Variants in SLC9B1 observed in about 807,000 individuals in gnomAD.
SLC9B1 encodes the protein solute carrier family 9 member B1, also known as sodium/hydrogen exchanger 9B1.
In SLC9B1, 32 loss-of-function variants were observed where a neutral mutation model predicts 51.7. The observed-to-expected ratio is 0.62, with a 90% CI of 0.47 to 0.83. SLC9B1 has a LOEUF of 0.83. SLC9B1 is among the 40% of genes least tolerant of loss of function. SLC9B1 has a pLI of 0.00. For synonymous variants in SLC9B1, 145 were observed against 212.7 expected, an observed-to-expected ratio of 0.68 and a Z score of 2.77; for missense variants, 406 against 613.2, an observed-to-expected ratio of 0.66 and a Z score of 3.57.
Position 102,927,195 on chromosome 4 carries a change from G to GTCT in SLC9B1, c.829+4926_829+4928dup, listed in dbSNP as rs557273904. ...CATTCAGGCCATAGGCATGGGCGAGGTCTTCATGACTAAAACACCAATAGT... is the reference window on the plus strand; with the variant it reads ...CATTCAGGCCATAGGCATGGGCGAGGTCTTCTTCATGACTAAAACACCAATAGT... On this transcript the variant is annotated intron_variant, in intron 7 of 11. Transcript: ENST00000296422. Among the ~76,000 whole-genome samples the GTCT allele has an allele frequency of 3.4e-3, 512 of 152,262 alleles. 3 individuals are homozygous for GTCT. The highest frequency in any genetic ancestry group is 5.5e-3 in the Non-Finnish European group (373 of 68,018).
At chr4:102,981,698 G>C (rs535627745) in intron 3 of SLC9B1, among the ~76,000 whole-genome samples, 4 of 151,978 alleles carry the variant, frequency 2.6e-5, no homozygotes, top group Admixed American at 6.6e-5. Flanking sequence ...TTTTTAATCT[G>C]GTTGTTTGTT....
intron 11 of SLC9B1, chr4:102,889,954 G>C (rs1463831067): frequency 6.6e-6 from 1 of 150,638 alleles, no homozygotes; most frequent in Non-Finnish European, 1.5e-5. Context: ...TCGGTTTCTA[G>C]AGCCTTCAAA....
At chr4:102,956,249 T>C (rs1737806702) in intron 3 of SLC9B1, among the ~76,000 whole-genome samples, 1 of 151,700 alleles carries the variant, frequency 6.6e-6, no homozygotes, top group Non-Finnish European at 1.5e-5. Flanking sequence ...CACACACAAC[T>C]TTTTCCCTTT....
chr4:103,010,877 C>CA, intron 1 of SLC9B1, among the ~76,000 whole-genome samples: 2 of 152,182 alleles, frequency 1.3e-5, no homozygotes, highest in Non-Finnish European at 2.9e-5. Context: ...TGGAGGGACA[C>CA]AAACATTCAA....
intron 7 of SLC9B1, among the ~76,000 whole-genome samples, chr4:102,917,535 T>C (rs1735644246): frequency 6.6e-6 from 1 of 151,790 alleles, no homozygotes; most frequent in African/African-American, 2.4e-5. Context: ...GATTAATACA[T>C]AGTCAAAGAA....
intron 11 of SLC9B1, chr4:102,889,088 T>C (rs987017014): frequency 1.3e-4 from 20 of 152,224 alleles, no homozygotes; most frequent in African/African-American, 4.6e-4. Context: ...GTAATGTCAG[T>C]AGGTTCAATT....
intron 2 of SLC9B1, among the ~76,000 whole-genome samples, chr4:102,990,638 A>C (rs1249186407): frequency 8.1e-6 from 1 of 123,730 alleles, no homozygotes; most frequent in South Asian, 2.8e-4. Context: ...AAATCTCCAA[A>C]TTTGCCTTAT....
intron 7 of SLC9B1, among the ~76,000 whole-genome samples, chr4:102,925,790 CA>C (rs1317331125): frequency 6.6e-6 from 1 of 151,496 alleles, no homozygotes; most frequent in African/African-American, 2.4e-5. Context: ...AGAGACACAA[CA>C]AAAAAAGAGA....
At chr4:102,975,586 A>ATTTTTTTTTTTTTTTTTTTTTT (rs1197166005) in intron 3 of SLC9B1, among the ~76,000 whole-genome samples, 2 of 62,304 alleles carry the variant, frequency 3.2e-5, no homozygotes, top group African/African-American at 7.5e-5. Context: ...ATATATATAT[A>ATTTTTTTTTTTTTTTTTTTTTT]TTTTTTTTTT....
chr4:102,990,144 C>A (rs997993131), intron 2 of SLC9B1, among the ~76,000 whole-genome samples: 2 of 151,934 alleles, frequency 1.3e-5, no homozygotes, highest in Non-Finnish European at 2.9e-5. Context: ...CTTGATTGAA[C>A]CTTTTATAGA....
At chr4:103,001,035 G>A (rs1740498523) in intron 1 of SLC9B1, among the ~76,000 whole-genome samples, 1 of 152,216 alleles carries the variant, frequency 6.6e-6, no homozygotes, top group South Asian at 2.1e-4. Flanking sequence ...TCTAGGTGGA[G>A]GTTTGCAAAG....
In SLC9B1 at chr4:102,949,285, A is replaced by C. The variant is rs746674303; in HGVS notation, c.354T>G (p.Pro118=). Residue 118 remains proline, a synonymous_variant, in exon 4 of 12, where the codon CCT becomes CCG. Transcript: ENST00000296422. ...GAAGAGGTGGAAGTGGAGGCACTAA[A>C]GGTATTCTAATGAGTTGTAAAATTT... ...GGKILQLIRI[P]LVPPLPPLLG... 11 of 1,604,774 alleles carry C rather than the reference A, an allele frequency of 6.9e-6. No homozygotes were observed. In the African/African-American group the frequency reaches 1.5e-4, roughly 22 times the overall value.
intron 6 of SLC9B1, among the ~76,000 whole-genome samples, chr4:102,939,694 A>G (rs1346089591): frequency 6.6e-6 from 1 of 152,264 alleles, no homozygotes; most frequent in African/African-American, 2.4e-5. Context: ...CATATCAAAA[A>G]GCTAGTCCAC....
chr4:103,010,999 T>G (rs985066550), intron 1 of SLC9B1, among the ~76,000 whole-genome samples: 15 of 152,274 alleles, frequency 9.9e-5, no homozygotes, highest in African/African-American at 3.6e-4. Context: ...CGATACCAAC[T>G]CAAAAGTCCA....
intron 3 of SLC9B1, among the ~76,000 whole-genome samples, chr4:102,971,258 T>C (rs1323085971): frequency 6.6e-6 from 1 of 151,984 alleles, no homozygotes; most frequent in Non-Finnish European, 1.5e-5. Flanking sequence ...CCTCAGCAAA[T>C]GTAAAAGAAC....
intron 6 of SLC9B1, among the ~76,000 whole-genome samples, chr4:102,943,739 A>T (rs1437235984): frequency 6.6e-6 from 1 of 152,168 alleles, no homozygotes; most frequent in African/African-American, 2.4e-5. Context: ...TTGGGGACTT[A>T]GGGGGAAGAG....
At chr4:102,904,949 A>G (rs1013655170) in intron 11 of SLC9B1, among the ~76,000 whole-genome samples, 30 of 151,470 alleles carry the variant, frequency 2.0e-4, no homozygotes, top group Non-Finnish European at 3.2e-4. Flanking sequence ...ATGCCACTGC[A>G]CTCCAGCCTG....
intron 1 of SLC9B1, among the ~76,000 whole-genome samples, chr4:102,994,404 A>G (rs971533280): frequency 1.3e-5 from 2 of 152,088 alleles, no homozygotes; most frequent in African/African-American, 2.4e-5. Flanking sequence ...CTCAGCCTAC[A>G]CTTCATTGTC....
chr4:102,937,937 G>C (rs189891215), intron 6 of SLC9B1, among the ~76,000 whole-genome samples: 2 of 152,162 alleles, frequency 1.3e-5, no homozygotes, highest in East Asian at 3.9e-4. Context: ...TAAGTACATA[G>C]AACATTGACA....
Sources: gnomAD v4.1 joint callset for allele counts (sites outside exome capture counted in the v4.1 genomes callset) on GRCh38, gnomAD v4.1.1 for gene constraint, MANE v1.5 for transcripts, NCBI Gene and HGNC (gene_info 2026-07-23, HGNC 2026-07-21) for gene names.